The following A1CF variants were observed in gnomAD, a reference collection of about 807,000 sequenced individuals.
A1CF encodes APOBEC-1 stimulating protein.
Under a neutral mutation model 68.9 loss-of-function variants are expected in A1CF, and 48 were observed. The ratio of observed to expected loss-of-function variants is 0.70; its 90% CI spans 0.55 to 0.89. The LOEUF (loss-of-function observed/expected upper bound fraction) is 0.89. Among genes scored for constraint, A1CF ranks in the 40% least tolerant of loss-of-function variants. A1CF has a pLI of 0.00. For synonymous variants in A1CF, 272 were observed against 260.4 expected (o/e 1.04, Z -0.43); for missense variants, 653 against 718.9 (o/e 0.91, Z 1.05).
chr10:50,801,296 T>G lies in A1CF; in HGVS notation c.*5433A>C, dbSNP rs1319184232. ...CTCAGTCAGAAAGAAGTAGCTAGGC[T>G]CTTTAGTTTAAGCTGTTATCTGCTT... On this transcript the variant is annotated 3_prime_UTR_variant, in exon 13 of 13. Coordinates refer to ENST00000373997, the MANE Select transcript of A1CF (RefSeq NM_014576.4). 1 of 152,216 alleles carries G rather than the reference T, an allele frequency of 6.6e-6. No homozygotes were observed. The highest frequency in any genetic ancestry group is 6.5e-5 in the Admixed American group (1 of 15,272). The allele number at this position is 152,216 out of a possible 1,614,324, so 9.4% of individuals were successfully genotyped here.
At chr10:50,825,317 A>T (rs1838866495) in intron 7 of A1CF, among the ~76,000 whole-genome samples, 1 of 152,134 alleles carries the variant, frequency 6.6e-6, no homozygotes, top group South Asian at 2.1e-4. Context: ...GATAACCCTA[A>T]GCCACTACTG....
At chr10:50,846,812 GA>G (rs1052758860) in intron 3 of A1CF, among the ~76,000 whole-genome samples, 6 of 152,050 alleles carry the variant, frequency 3.9e-5, no homozygotes, top group African/African-American at 1.4e-4. Context: ...ATAAACACTT[GA>G]AAAAAAATCC....
At chr10:50,814,645 T>C (rs1478040847) in intron 9 of A1CF, among the ~76,000 whole-genome samples, 2 of 152,218 alleles carry the variant, frequency 1.3e-5, no homozygotes, top group African/African-American at 4.8e-5. Context: ...TTGATTTTTG[T>C]TTTGCCATGT....
chr10:50,878,119 C>T (rs747961001), intron 1 of A1CF, among the ~76,000 whole-genome samples: 6 of 151,586 alleles, frequency 4.0e-5, no homozygotes, highest in Non-Finnish European at 8.8e-5. Flanking sequence ...GAGACTCCAT[C>T]TCAAAAAGAA....
chr10:50,815,934 A>G, intron 9 of A1CF, 72 bp downstream of exon 9: 2 of 1,552,368 alleles, frequency 1.3e-6, no homozygotes, highest in East Asian at 4.5e-5. Flanking sequence ...CATCCAATGT[A>G]TCTAAGGCTA....
intron 3 of A1CF, among the ~76,000 whole-genome samples, chr10:50,847,854 T>C (rs566921209): frequency 7.5e-4 from 114 of 152,306 alleles, no homozygotes; most frequent in Middle Eastern, 3.4e-3. Context: ...TAACATTTCC[T>C]TATCATGACA....
chr10:50,829,833 C>T (rs1385676670), intron 6 of A1CF, among the ~76,000 whole-genome samples: 2 of 152,120 alleles, frequency 1.3e-5, no homozygotes, highest in African/African-American at 4.8e-5. Context: ...TGGGTTCCAC[C>T]CAGTGATGTA....
intron 11 of A1CF, 65 bp from the exon 12 acceptor site, chr10:50,810,107 A>G: frequency 6.3e-7 from 1 of 1,582,474 alleles, no homozygotes; most frequent in Non-Finnish European, 8.6e-7. Flanking sequence ...GTGAAAACTT[A>G]AGGCACTATC....
rs1838025005 is a variant in A1CF at position 50,810,013 on chromosome 10, G to T, written c.1490C>A (p.Ala497Asp). The T allele has an allele frequency of 6.2e-7, 1 of 1,613,818 alleles. No homozygotes were observed. Among genetic ancestry groups the T allele is most frequent in the African/African-American group, 1.3e-5 (1 of 74,914 alleles). ...IHPFTPPKLSAFVDEAKTYAA... is the reference protein window; with the variant it reads ...IHPFTPPKLSDFVDEAKTYAA... ...ATACGTCTTTGCTTCATCCACAAAG[G>T]CACTCAGCTTTGGAGGTGTGAAAGG... is the stretch of plus-strand genomic sequence containing the variant. The change falls in exon 12 of 13, where the codon GCC becomes GAC. Residue 497 changes from alanine (A) to aspartate (D), a missense_variant. Ala to Asp is a moderately radical substitution (Grantham distance 126). Transcript: ENST00000373997.
At chr10:50,830,434 C>T (rs1839182389) in intron 6 of A1CF, among the ~76,000 whole-genome samples, 4 of 152,116 alleles carry the variant, frequency 2.6e-5, no homozygotes, top group Admixed American at 2.6e-4. Context: ...ACAAAACTAA[C>T]ATACATAAAT....
In A1CF at chr10:50,802,461, C is replaced by T. The variant is rs1299742492; in HGVS notation, c.*4268G>A. ...ATTTATCCAAAGTTTCCTTGTAGTG[C>T]TATGTTAGAAACTTAGTTTTATCTT... is the stretch of plus-strand genomic sequence containing the variant. On this transcript the variant is annotated 3_prime_UTR_variant, in exon 13 of 13. Transcript: ENST00000373997. 1 of 151,996 alleles carries T rather than the reference C, an allele frequency of 6.6e-6. No individual in the cohort carries two copies. The highest frequency in any genetic ancestry group is 2.4e-5 in the African/African-American group (1 of 41,388). The allele number at this position is 151,996 out of a possible 1,614,324, so 9.4% of individuals were successfully genotyped here.
At position 50,850,559 on chromosome 10, in the gene A1CF, G is replaced by A. The variant is rs1473178852; in HGVS notation, c.100-6437C>T. On this transcript the variant is annotated intron_variant, in intron 3 of 12. Transcript: ENST00000373997. Reference sequence around the variant, plus strand: ...AAATTACAAAACAGAAAACTTATTCGAGTGTTTTTCAAAATTAGAAAACAA... The same window carrying A: ...AAATTACAAAACAGAAAACTTATTCAAGTGTTTTTCAAAATTAGAAAACAA... 4.4e-6 allele frequency: 6 copies of A among 1,372,958 alleles called. No homozygotes were observed. The Admixed American group carries it at 5.1e-5, about 12-fold the overall frequency. 85.0% of individuals were successfully genotyped at this position (1,372,958 alleles called of 1,614,324 possible).
At chr10:50,862,338 C>G (rs1840786792) in intron 2 of A1CF, among the ~76,000 whole-genome samples, 1 of 151,768 alleles carries the variant, frequency 6.6e-6, no homozygotes, top group Non-Finnish European at 1.5e-5. Context: ...TGCACTGCAG[C>G]CTGGGCAACA....
rs780281998 is a variant in A1CF at position 50,859,919 on chromosome 10, C to T, written c.22G>A (p.Gly8Arg). The change falls in exon 3 of 13, where the codon GGG becomes AGG. Residue 8 changes from glycine (G) to arginine (R), a missense_variant. Gly to Arg is a moderately radical substitution (Grantham distance 125). Coordinates refer to ENST00000373997, the MANE Select transcript of A1CF (RefSeq NM_014576.4). ...TTCTGAGTGCCGCTCAATCCATCCC[C>T]GGATTTGTGATTTGATTCCATTGAG... MESNHKS[G>R]DGLSGTQKEA... 30 of 1,613,766 alleles carry T rather than the reference C, an allele frequency of 1.9e-5. No homozygotes were observed. The East Asian group carries it at 4.5e-4, about 24-fold the overall frequency.
intron 6 of A1CF, among the ~76,000 whole-genome samples, chr10:50,828,945 A>C (rs559114321): frequency 2.0e-5 from 3 of 152,314 alleles, no homozygotes; most frequent in African/African-American, 7.2e-5. Flanking sequence ...TTAAGAAGAC[A>C]GATGACAAGC....
intron 10 of A1CF, among the ~76,000 whole-genome samples, chr10:50,812,558 T>C (rs1290702991): frequency 6.6e-6 from 1 of 152,234 alleles, no homozygotes; most frequent in Non-Finnish European, 1.5e-5. Context: ...TTGCGACTAT[T>C]ATTTTTTATT....
intron 12 of A1CF, among the ~76,000 whole-genome samples, chr10:50,808,300 A>G (rs977002859): frequency 6.6e-6 from 1 of 152,216 alleles, no homozygotes; most frequent in Non-Finnish European, 1.5e-5. Flanking sequence ...TCCCAAGACA[A>G]CACTCATGCC....
chr10:50,816,642 A>T (rs1838386001), intron 8 of A1CF: 1 of 177,252 alleles, frequency 5.6e-6, no homozygotes, highest in Admixed American at 5.7e-5. Context: ...ACTACAAGAC[A>T]ATTTAGGTTT....
At chr10:50,874,668 A>G (rs1367049681) in intron 1 of A1CF, among the ~76,000 whole-genome samples, 1 of 152,176 alleles carries the variant, frequency 6.6e-6, no homozygotes, top group Non-Finnish European at 1.5e-5. Flanking sequence ...GCTCCAACAG[A>G]GGTTGTGTCC....
Sources: allele counts gnomAD v4.1 joint callset (sites outside exome capture counted in the v4.1 genomes callset), GRCh38; gene constraint gnomAD v4.1.1; transcripts MANE v1.5; gene names NCBI Gene and HGNC (gene_info 2026-07-23, HGNC 2026-07-21).